The following EML5 variants were observed in gnomAD, a reference collection of about 807,000 sequenced individuals.
EML5 encodes the protein EMAP like 5.
EML5 carries 120 observed loss-of-function variants against 250.0 expected under a neutral mutation model. That is an observed-to-expected ratio of 0.48 (90% CI 0.41 to 0.56). EML5 has a LOEUF of 0.56. Ranked by LOEUF, EML5 falls within the 20% of genes least tolerant of loss-of-function variation. The pLI, the probability that EML5 is intolerant of heterozygous loss-of-function variation, is 0.00. For synonymous variants in EML5, 771 were observed against 806.5 expected (o/e 0.96, Z 0.75); for missense variants, 2,006 against 2,437.6 (o/e 0.82, Z 3.73).
rs766139901 is a variant in EML5, at chr14:88,706,353, C to T, written c.1731G>A (p.Trp577Ter). The change falls in exon 11 of 44, where the codon TGG becomes TGA. Residue 577 changes from tryptophan to a stop codon, truncating the protein, a stop_gained. Coordinates refer to ENST00000554922, the MANE Select transcript of EML5 (RefSeq NM_183387.3). LOFTEE classifies it high-confidence loss of function. ...TNVRWSHDYQ[W>*]VISIGGADHS... ...GATCTGCTCCACCAATAGAAATAAC[C>T]CACTGATAATCATGTGACCATCTGA... The T allele has an allele frequency of 6.2e-7, 1 of 1,609,174 alleles. No homozygotes were observed. Among genetic ancestry groups the T allele is most frequent in the Non-Finnish European group, 8.5e-7 (1 of 1,177,810 alleles).
rs2086982652 is a variant in EML5, at chr14:88,612,820, CAAG to C, written c.*2995_*2997del. On this transcript the variant is annotated 3_prime_UTR_variant, in exon 44 of 44. Transcript: ENST00000554922. Reference sequence around the variant, plus strand: ...TGTGTGGTTTTTAAAACTGTTAAGGCAAGAAGTGTCAAATGCTTTAGAGTTAAA... The same window carrying C: ...TGTGTGGTTTTTAAAACTGTTAAGGCAAGTGTCAAATGCTTTAGAGTTAAA... The C allele has an allele frequency of 6.6e-6, 1 of 152,412 alleles. No individual in the cohort carries two copies. Among genetic ancestry groups the C allele is most frequent in the Non-Finnish European group, 1.5e-5 (1 of 68,018 alleles). The allele number at this position is 152,412 out of a possible 1,614,324, so 9.4% of individuals were successfully genotyped here.
chr14:88,623,901 A>G (rs2089499184), intron 36 of EML5: 1 of 152,166 alleles, frequency 6.6e-6, no homozygotes, highest in Admixed American at 6.5e-5. Context: ...GGGCTGAAAA[A>G]TGTATTCCTT....
intron 32 of EML5, among the ~76,000 whole-genome samples, chr14:88,636,100 C>T (rs887603770): frequency 1.3e-5 from 2 of 152,264 alleles, no homozygotes; most frequent in South Asian, 4.2e-4. Context: ...GAACTCCATC[C>T]ACCCCTACAC....
Position 88,615,683 on chromosome 14 carries a change from A to G in EML5, c.*135T>C, listed in dbSNP as rs2087484909. The G allele has an allele frequency of 1.3e-5, 10 of 765,304 alleles. No homozygotes were observed. The highest frequency in any genetic ancestry group is 2.1e-5 in the Non-Finnish European group (10 of 472,536). 47.4% of individuals were successfully genotyped at this position (765,304 alleles called of 1,614,324 possible). On this transcript the variant is annotated 3_prime_UTR_variant, in exon 44 of 44. Transcript: ENST00000554922. ...ATTTTGAACAGATCAGTCTTTCACT[A>G]TTTTGATGATTCTGGGCATTTCTCC...
At chr14:88,733,909 A>G (rs146919709) in intron 7 of EML5, among the ~76,000 whole-genome samples, 2,356 of 152,308 alleles carry the variant, frequency 0.015, 34 homozygotes, top group Non-Finnish European at 0.023. Context: ...CTATGATACA[A>G]TCCTAGAAGT....
chr14:88,775,168 T>A (rs2140668479), intron 1 of EML5, among the ~76,000 whole-genome samples: 1 of 152,278 alleles, frequency 6.6e-6, no homozygotes, highest in Non-Finnish European at 1.5e-5. Flanking sequence ...TGGCTTCAGG[T>A]AGGATACAGC....
Position 88,665,434 on chromosome 14 carries a change from G to C in EML5, c.3180C>G (p.Asn1060Lys), listed in dbSNP as rs201280266. Reference sequence around the variant, plus strand: ...CATTTGCCATTAAGAAGCTTCCATCGTTGAGACCTACGGCTAAAGCTTTAC... The same window carrying C: ...CATTTGCCATTAAGAAGCTTCCATCCTTGAGACCTACGGCTAAAGCTTTAC... ...PDGKALAVGLNDGSFLMANAD... is the reference protein window; with the variant it reads ...PDGKALAVGLKDGSFLMANAD... Residue 1060 changes from asparagine (N) to lysine (K), a missense_variant, in exon 22 of 44, where the codon AAC becomes AAG. Asn to Lys is a moderately conservative substitution (Grantham distance 94). Coordinates refer to ENST00000554922, the MANE Select transcript of EML5 (RefSeq NM_183387.3). 1 of 1,613,842 alleles carries C rather than the reference G, an allele frequency of 6.2e-7. No individual in the cohort carries two copies. Among genetic ancestry groups the C allele is most frequent in the Non-Finnish European group, 8.5e-7 (1 of 1,179,898 alleles).
At chr14:88,757,713 G>T (rs2094180594) in intron 1 of EML5, among the ~76,000 whole-genome samples, 2 of 152,120 alleles carry the variant, frequency 1.3e-5, no homozygotes, top group Admixed American at 1.3e-4. Flanking sequence ...ATAAAAAGAT[G>T]CTCAACATCA....
intron 9 of EML5, among the ~76,000 whole-genome samples, chr14:88,714,263 CA>C (rs1467066988): frequency 6.6e-6 from 1 of 152,122 alleles, no homozygotes; most frequent in Non-Finnish European, 1.5e-5. Context: ...GGTACTTTAC[CA>C]TACACTATAC....
rs1410187312 is a variant in EML5, at chr14:88,704,873, G to A, written c.2038C>T (p.His680Tyr). 1.9e-6 allele frequency: 3 copies of A among 1,612,304 alleles called. No homozygotes were observed. Among genetic ancestry groups the A allele is most frequent in the Non-Finnish European group, 2.5e-6 (3 of 1,178,934 alleles). ...GTTGTTTTATACCCGTGAACAAAGTGTAATCGAATACTATTTCCTGGAGCC... is the reference window on the plus strand; with the variant it reads ...GTTGTTTTATACCCGTGAACAAAGTATAATCGAATACTATTTCCTGGAGCC... ...ERAPGNSIRL[H>Y]FVHGYRGYDC... The change falls in exon 13 of 44, where the codon CAC (histidine) becomes TAC (tyrosine). Residue 680 changes from histidine to tyrosine, a missense_variant. His to Tyr is a moderately conservative substitution (Grantham distance 83, BLOSUM62 2). Transcript: ENST00000554922.
intron 14 of EML5, among the ~76,000 whole-genome samples, chr14:88,701,920 T>C (rs1247506735): frequency 6.6e-6 from 1 of 152,200 alleles, no homozygotes; most frequent in Non-Finnish European, 1.5e-5. Flanking sequence ...TCTATAAACA[T>C]CATTTCTTCC....
At chr14:88,662,761 T>A (rs370698412) in intron 24 of EML5, among the ~76,000 whole-genome samples, 2 of 151,974 alleles carry the variant, frequency 1.3e-5, no homozygotes, top group East Asian at 1.9e-4. Flanking sequence ...TCCAGTCTGG[T>A]CTTGAACTCC....
At chr14:88,656,022 G>C (rs1310304374) in intron 27 of EML5, among the ~76,000 whole-genome samples, 1 of 152,178 alleles carries the variant, frequency 6.6e-6, no homozygotes, top group Non-Finnish European at 1.5e-5. Flanking sequence ...GTTGGTGGGA[G>C]TGTAAATTAG....
chr14:88,638,627 G>C (rs774839257), intron 32 of EML5, among the ~76,000 whole-genome samples, 182 bp downstream of exon 32: 1 of 152,168 alleles, frequency 6.6e-6, no homozygotes. Context: ...CAGATAACCA[G>C]AGTGAGTGAG....
intron 17 of EML5, among the ~76,000 whole-genome samples, chr14:88,690,955 C>T (rs1444627698): frequency 6.6e-6 from 1 of 152,052 alleles, no homozygotes; most frequent in African/African-American, 2.4e-5. Context: ...CAGGTTAGCA[C>T]TCTGAGCTGC....
At chr14:88,749,017 G>T (rs1400885539) in intron 2 of EML5, among the ~76,000 whole-genome samples, 3 of 150,898 alleles carry the variant, frequency 2.0e-5, no homozygotes, top group African/African-American at 7.3e-5. Flanking sequence ...AAAAACTGAA[G>T]AAATAATAGT....
chr14:88,669,908 G>A (rs1337654898), intron 21 of EML5, among the ~76,000 whole-genome samples: 2 of 152,174 alleles, frequency 1.3e-5, no homozygotes, highest in Non-Finnish European at 2.9e-5. Flanking sequence ...TACCTTTACT[G>A]TTTTGCAGCC....
chr14:88,695,141 A>G (rs549440563), intron 16 of EML5, among the ~76,000 whole-genome samples: 11 of 152,148 alleles, frequency 7.2e-5, no homozygotes, highest in Non-Finnish European at 1.6e-4. Context: ...ATCCAATGCC[A>G]TATTATAGTT....
At position 88,627,825 on chromosome 14, in the gene EML5, T is replaced by C. The variant is rs1354884786; in HGVS notation, c.4358-6A>G. The C allele has an allele frequency of 6.4e-7, 1 of 1,570,198 alleles. No individual in the cohort carries two copies. Among genetic ancestry groups the C allele is most frequent in the Admixed American group, 1.9e-5 (1 of 53,492 alleles). On this transcript the variant is annotated splice_polypyrimidine_tract_variant and splice_region_variant and intron_variant, in intron 33 of 43. Transcript: ENST00000554922. ...GTGAATAGAAGGAGCTGTAGCTAAA[T>C]AAAGATAGTATCAAAAAGTTGTAAT...
Sources: allele counts gnomAD v4.1 joint callset (sites outside exome capture counted in the v4.1 genomes callset), GRCh38; gene constraint gnomAD v4.1.1; transcripts MANE v1.5; gene names NCBI Gene and HGNC (gene_info 2026-07-23, HGNC 2026-07-21).